Variants in CSMD1 observed in about 807,000 individuals in gnomAD.
CSMD1 encodes CUB and Sushi multiple domains 1, also known as CUB and sushi domain-containing protein 1.
Under a neutral mutation model 417.5 loss-of-function variants are expected in CSMD1, and 213 were observed. The observed-to-expected ratio is 0.51, with a 90% CI of 0.46 to 0.57. The LOEUF is 0.57. Among genes scored for constraint, CSMD1 ranks in the 20% least tolerant of loss-of-function variants. The pLI is 0.00. For missense variants in CSMD1, 6,923 were observed against 4,529.7 expected (o/e 1.53, Z -15.17); for synonymous variants, 2,862 against 1,736.8 (o/e 1.65, Z -16.11).
At chr8:4,829,848 C>G (rs916122712) in intron 1 of CSMD1, among the ~76,000 whole-genome samples, 1 of 151,908 alleles carries the variant, frequency 6.6e-6, no homozygotes, top group Non-Finnish European at 1.5e-5. Context: ...ACCTTGGGGA[C>G]AAGGGGCTGG....
intron 1 of CSMD1, among the ~76,000 whole-genome samples, chr8:4,732,384 G>GTGT (rs1563244650): frequency 2.6e-4 from 12 of 45,312 alleles, no homozygotes; most frequent in African/African-American, 9.4e-4. Flanking sequence ...TGTGTGTGTA[G>GTGT]TGTTTTTCCC....
chr8:3,872,431 G>A (rs537309200), intron 5 of CSMD1, among the ~76,000 whole-genome samples: 15 of 152,098 alleles, frequency 9.9e-5, no homozygotes, highest in Non-Finnish European at 1.8e-4. Flanking sequence ...CAGTTAAAAC[G>A]CATTATCCGA....
chr8:4,712,913 G>A (rs568667626), intron 1 of CSMD1, among the ~76,000 whole-genome samples: 9 of 152,250 alleles, frequency 5.9e-5, no homozygotes, highest in African/African-American at 2.2e-4. Context: ...CAAAAAGGGT[G>A]CTTGATTGAC....
At chr8:3,584,524 G>A (rs1454582326) in intron 9 of CSMD1, among the ~76,000 whole-genome samples, 1 of 136,670 alleles carries the variant, frequency 7.3e-6, no homozygotes, top group Non-Finnish European at 1.7e-5. Context: ...TTTCCTAAGT[G>A]ATAAGCACCT....
intron 1 of CSMD1, among the ~76,000 whole-genome samples, chr8:4,697,694 G>A (rs1034431058): frequency 6.6e-6 from 1 of 152,116 alleles, no homozygotes; most frequent in Non-Finnish European, 1.5e-5. Context: ...TTAATTACTG[G>A]ACATGAGAGT....
chr8:4,680,046 T>A (rs1805940127), intron 1 of CSMD1, among the ~76,000 whole-genome samples: 1 of 152,210 alleles, frequency 6.6e-6, no homozygotes, highest in African/African-American at 2.4e-5. Context: ...TGTATGCAAA[T>A]GATGTGAATA....
chr8:3,280,257 C>A (rs1387361523), intron 26 of CSMD1, among the ~76,000 whole-genome samples: 1 of 152,102 alleles, frequency 6.6e-6, no homozygotes. Flanking sequence ...TGACATCCAG[C>A]GTGGAATTAT....
intron 2 of CSMD1, among the ~76,000 whole-genome samples, chr8:4,449,929 ACAG>A (rs1014138759): frequency 1.3e-5 from 2 of 152,190 alleles, no homozygotes; most frequent in African/African-American, 4.8e-5. Context: ...TGCCCAATAC[ACAG>A]AAGATGCTCA....
chr8:4,270,561 A>C (rs371518415), intron 3 of CSMD1, among the ~76,000 whole-genome samples: 2 of 152,042 alleles, frequency 1.3e-5, no homozygotes, highest in African/African-American at 4.8e-5. Context: ...GAACCCCATT[A>C]TGTTTGATGA....
chr8:4,040,759 G>C (rs529714295), intron 3 of CSMD1, among the ~76,000 whole-genome samples: 1 of 152,178 alleles, frequency 6.6e-6, no homozygotes, highest in Non-Finnish European at 1.5e-5. Context: ...TAAGCGACCA[G>C]TTGGCAAATG....
chr8:4,915,938 G>A (rs777066025), intron 1 of CSMD1, among the ~76,000 whole-genome samples: 42 of 152,300 alleles, frequency 2.8e-4, no homozygotes, highest in Non-Finnish European at 5.4e-4. Flanking sequence ...AAAACTGCAA[G>A]TGGCATCTCT....
chr8:4,042,787 A>G (rs891377726), intron 3 of CSMD1, among the ~76,000 whole-genome samples: 2 of 137,666 alleles, frequency 1.5e-5, no homozygotes, highest in African/African-American at 5.3e-5. Context: ...TATCTTCGCT[A>G]TACAATAGGT....
At position 3,579,949 on chromosome 8, in the gene CSMD1, C is replaced by G. The variant is rs144212024; in HGVS notation, c.1223-4883G>C. 1.1e-4 allele frequency among the ~76,000 whole-genome samples: 16 copies of G among 152,002 alleles called. No individual in the cohort carries two copies. In the East Asian group the frequency reaches 3.1e-3, roughly 30 times the overall value. On this transcript the variant is annotated intron_variant, in intron 9 of 69. Transcript: ENST00000635120. ...TGAAACCCTGTCTCTACGAAACATA[C>G]AAAAATTAGCTGGGTGTGGTGGCAG...
chr8:3,856,419 T>C (rs1249680938), intron 5 of CSMD1, among the ~76,000 whole-genome samples: 2 of 152,170 alleles, frequency 1.3e-5, no homozygotes, highest in Non-Finnish European at 2.9e-5. Context: ...GCTACTTCTT[T>C]ATAGCAATGC....
chr8:4,459,480 C>G (rs939563629), intron 2 of CSMD1, among the ~76,000 whole-genome samples: 1 of 152,162 alleles, frequency 6.6e-6, no homozygotes, highest in Non-Finnish European at 1.5e-5. Context: ...GCAGGAAATT[C>G]AAATCCAAGG....
chr8:4,460,111 G>C (rs1181451992), intron 2 of CSMD1, among the ~76,000 whole-genome samples: 1 of 152,102 alleles, frequency 6.6e-6, no homozygotes, highest in African/African-American at 2.4e-5. Context: ...CATATGCCAT[G>C]CCACAGAACT....
intron 5 of CSMD1, among the ~76,000 whole-genome samples, chr8:3,968,208 T>A (rs902802872): frequency 2.9e-5 from 4 of 136,676 alleles, no homozygotes; most frequent in Middle Eastern, 3.7e-3. Context: ...ATAATAATAA[T>A]AAATAATAAA....
At chr8:3,296,059 G>C (rs1230267523) in intron 25 of CSMD1, among the ~76,000 whole-genome samples, 1 of 151,904 alleles carries the variant, frequency 6.6e-6, no homozygotes, top group African/African-American at 2.4e-5. Context: ...CATAACAAAT[G>C]AGTGAAGAAT....
At chr8:3,630,488 G>A (rs1003311924) in intron 7 of CSMD1, among the ~76,000 whole-genome samples, 7 of 152,164 alleles carry the variant, frequency 4.6e-5, no homozygotes, top group Admixed American at 3.3e-4. Context: ...ATGCTTAGAT[G>A]AGAAGGTCCA....
Sources: allele counts gnomAD v4.1 joint callset (sites outside exome capture counted in the v4.1 genomes callset), GRCh38; gene constraint gnomAD v4.1.1; transcripts MANE v1.5; gene names NCBI Gene and HGNC (gene_info 2026-07-23, HGNC 2026-07-21).